PAK1: variants seen among roughly 807,000 people sequenced by gnomAD.
PAK1 encodes serine/threonine-protein kinase PAK 1.
A neutral mutation model predicts 67.4 loss-of-function variants in PAK1; 29 were observed. That is an observed-to-expected ratio of 0.43 (90% CI 0.32 to 0.59). PAK1 has a LOEUF of 0.59. Ranked by LOEUF, PAK1 falls within the 20% of genes least tolerant of loss-of-function variation. PAK1 has a pLI of 0.07. For synonymous variants in PAK1, 223 were observed against 237.4 expected, an observed-to-expected ratio of 0.94 and a Z score of 0.56; for missense variants, 337 against 670.7, an observed-to-expected ratio of 0.50 and a Z score of 5.50.
intron 1 of PAK1, among the ~76,000 whole-genome samples, chr11:77,459,271 G>A (rs3015986): frequency 6.6e-6 from 1 of 151,910 alleles, no homozygotes; most frequent in Non-Finnish European, 1.5e-5. Context: ...AATTACTCCA[G>A]GCAGAATAAT....
At chr11:77,449,066 T>C (rs1378168637) in intron 1 of PAK1, among the ~76,000 whole-genome samples, 2 of 152,224 alleles carry the variant, frequency 1.3e-5, no homozygotes, top group African/African-American at 4.8e-5. Flanking sequence ...CCTGTACGTT[T>C]TGAAATTAAC....
the PAK1 span, among the ~76,000 whole-genome samples, chr11:77,501,569 A>G: frequency 6.6e-6 from 1 of 152,134 alleles, no homozygotes; most frequent in African/African-American, 2.4e-5. Context: ...CATACAAGTG[A>G]CCAGTCAGTG....
upstream of PAK1, chr11:77,474,211 C>G (rs1341578638): frequency 6.7e-6 from 1 of 148,626 alleles, no homozygotes; most frequent in South Asian, 2.1e-4. Flanking sequence ...CTCCCCCTCC[C>G]CGGCGCGGCG....
chr11:77,434,273 G>C (rs1956004976), intron 1 of PAK1, among the ~76,000 whole-genome samples: 1 of 151,992 alleles, frequency 6.6e-6, no homozygotes, highest in African/African-American at 2.4e-5. Context: ...ATAAAATGTG[G>C]CATATCCATA....
At chr11:77,525,609 C>A in the PAK1 span, among the ~76,000 whole-genome samples, 2 of 152,318 alleles carry the variant, frequency 1.3e-5, no homozygotes, top group Non-Finnish European at 2.9e-5. Context: ...ATAATTTCTT[C>A]TTGCCCAAAC....
chr11:77,431,349 T>C (rs542142149), intron 1 of PAK1, among the ~76,000 whole-genome samples: 61 of 152,318 alleles, frequency 4.0e-4, no homozygotes, highest in African/African-American at 1.5e-3. Context: ...CCTGAGAGAT[T>C]ATGCAATAGA....
chr11:77,366,569 G>T (rs560713751), intron 5 of PAK1, among the ~76,000 whole-genome samples: 4 of 152,260 alleles, frequency 2.6e-5, no homozygotes, highest in African/African-American at 9.6e-5. Context: ...GAAGTAGATT[G>T]TATATAAATG....
chr11:77,432,484 G>A (rs1955905717), intron 1 of PAK1, among the ~76,000 whole-genome samples: 1 of 151,912 alleles, frequency 6.6e-6, no homozygotes, highest in Admixed American at 6.6e-5. Context: ...AGAAATACAA[G>A]CACCTAGATT....
At chr11:77,494,606 A>G in the PAK1 span, among the ~76,000 whole-genome samples, 1 of 149,870 alleles carries the variant, frequency 6.7e-6, no homozygotes, top group Non-Finnish European at 1.5e-5. Flanking sequence ...AAAAAAAAAA[A>G]GGCAGAAAAG....
chr11:77,431,493 C>T lies in PAK1; in HGVS notation c.-21-38952G>A, dbSNP rs185587156. Among the ~76,000 whole-genome samples, 7 of 152,234 alleles carry T rather than the reference C, an allele frequency of 4.6e-5. No homozygotes were observed. In the East Asian group the frequency reaches 7.7e-4, roughly 17 times the overall value. On this transcript the variant is annotated intron_variant, in intron 1 of 14. Coordinates refer to ENST00000356341, the MANE Select transcript of PAK1 (RefSeq NM_002576.5). ...ACCCTCTTCAGTGGTCTTTTCCTCTCGTAGGACTTATGTGATGCTAAGGGA... is the reference window on the plus strand; with the variant it reads ...ACCCTCTTCAGTGGTCTTTTCCTCTTGTAGGACTTATGTGATGCTAAGGGA...
intron 1 of PAK1, among the ~76,000 whole-genome samples, chr11:77,424,763 T>TC (rs1955461815): frequency 6.6e-6 from 1 of 152,202 alleles, no homozygotes; most frequent in African/African-American, 2.4e-5. Context: ...TCTGATGCAG[T>TC]CCTTACCCAA....
chr11:77,524,059 A>C, the PAK1 span, among the ~76,000 whole-genome samples: 11 of 152,200 alleles, frequency 7.2e-5, no homozygotes, highest in African/African-American at 2.2e-4. Context: ...GGAGAATGAA[A>C]TCATTGTTCC....
intron 1 of PAK1, among the ~76,000 whole-genome samples, chr11:77,459,036 G>A (rs1957201482): frequency 6.6e-6 from 1 of 152,184 alleles, no homozygotes; most frequent in African/African-American, 2.4e-5. Context: ...TAAAAGCATA[G>A]AGGAAAACAG....
intron 1 of PAK1, among the ~76,000 whole-genome samples, chr11:77,429,494 G>A (rs1955760337): frequency 6.6e-6 from 1 of 152,176 alleles, no homozygotes. Context: ...AACATCAATA[G>A]TCATGGGACA....
intron 1 of PAK1, among the ~76,000 whole-genome samples, chr11:77,468,877 G>A (rs1957720460): frequency 6.6e-6 from 1 of 152,104 alleles, no homozygotes; most frequent in African/African-American, 2.4e-5. Context: ...CTCTGAGCAA[G>A]CCAAGACTTC....
chr11:77,400,945 G>A (rs1425958318), intron 1 of PAK1, among the ~76,000 whole-genome samples: 1 of 152,218 alleles, frequency 6.6e-6, no homozygotes, highest in Non-Finnish European at 1.5e-5. Context: ...CATACAGCTA[G>A]TGGGCAGCAG....
the PAK1 span, among the ~76,000 whole-genome samples, chr11:77,510,730 G>A: frequency 2.6e-5 from 4 of 152,186 alleles, no homozygotes; most frequent in Non-Finnish European, 5.9e-5. Context: ...TGTTAGGATT[G>A]TTATCAACTT....
intron 1 of PAK1, among the ~76,000 whole-genome samples, chr11:77,469,473 A>C (rs1957749703): frequency 6.6e-6 from 1 of 152,200 alleles, no homozygotes; most frequent in South Asian, 2.1e-4. Context: ...TATAGTCATT[A>C]TTTTAATTGC....
rs1402319234 is a variant in PAK1, at chr11:77,323,252, T to A, written c.*22A>T. On this transcript the variant is annotated 3_prime_UTR_variant, in exon 15 of 15. Coordinates refer to ENST00000356341, the MANE Select transcript of PAK1 (RefSeq NM_002576.5). ...TTATCTCACAGAAGGCTTGGCACAA[T>A]GAGGCTGGGGTGAGTGTGGTTTTAG... 1.2e-6 allele frequency: 2 copies of A among 1,613,532 alleles called. No homozygotes were observed. Among genetic ancestry groups the A allele is most frequent in the Non-Finnish European group, 1.7e-6 (2 of 1,179,634 alleles).
Sources: allele counts gnomAD v4.1 joint callset (sites outside exome capture counted in the v4.1 genomes callset), GRCh38; gene constraint gnomAD v4.1.1; transcripts MANE v1.5; gene names NCBI Gene and HGNC (gene_info 2026-07-23, HGNC 2026-07-21).